Variants in BRAF observed in about 807,000 individuals in gnomAD.
BRAF encodes the protein serine/threonine-protein kinase B-raf.
In BRAF, 16 loss-of-function variants were observed where a neutral mutation model predicts 104.6. The ratio of observed to expected loss-of-function variants is 0.15; its 90% CI spans 0.10 to 0.23. The LOEUF (loss-of-function observed/expected upper bound fraction) is 0.23. Ranked by LOEUF, BRAF falls within the 10% of genes least tolerant of loss-of-function variation. The probability of loss-of-function intolerance (pLI) is 1.00; values close to 1 mark genes in which losing one functional copy is unlikely to be tolerated. For missense variants in BRAF, 541 were observed against 937.3 expected (o/e 0.58, Z 5.52); for synonymous variants, 310 against 341.6 (o/e 0.91, Z 1.02).
chr7:140,741,611 G>C (rs1417210886), intron 17 of BRAF: 1 of 152,040 alleles, frequency 6.6e-6, no homozygotes, highest in Non-Finnish European at 1.5e-5. Flanking sequence ...TCTCCAATGA[G>C]ACTATGGGTG....
intron 3 of BRAF, among the ~76,000 whole-genome samples, chr7:140,830,319 A>T (rs186315818): frequency 3.0e-4 from 46 of 152,310 alleles, no homozygotes; most frequent in African/African-American, 1.1e-3. Flanking sequence ...ACAAATGGCA[A>T]GTGGTTTATT....
At chr7:140,835,838 T>C (rs1289236033) in intron 2 of BRAF, 1 of 152,202 alleles carries the variant, frequency 6.6e-6, no homozygotes, top group Admixed American at 6.5e-5. Context: ...CCATCTCAAA[T>C]AGATGCAATA....
intron 9 of BRAF, among the ~76,000 whole-genome samples, chr7:140,787,300 CAAAAAAAAAAA>C (rs1199383417): frequency 7.3e-5 from 4 of 55,060 alleles, no homozygotes; most frequent in Non-Finnish European, 1.5e-4. Flanking sequence ...GACTCCGTCT[CAAAAAAAAAAA>C]AAAAAAAAAA....
intron 10 of BRAF, among the ~76,000 whole-genome samples, chr7:140,784,380 T>C (rs1435195396): frequency 6.6e-6 from 1 of 152,186 alleles, no homozygotes; most frequent in Non-Finnish European, 1.5e-5. Context: ...TTGATAATTT[T>C]CAACATTATA....
chr7:140,824,950 C>T (rs779532989), intron 3 of BRAF, among the ~76,000 whole-genome samples: 2 of 150,858 alleles, frequency 1.3e-5, no homozygotes, highest in Admixed American at 6.6e-5. Context: ...ATCCTTTGTC[C>T]GTTTTTAATT....
At chr7:140,775,176 G>A (rs1800213507) in intron 14 of BRAF, among the ~76,000 whole-genome samples, 1 of 151,988 alleles carries the variant, frequency 6.6e-6, no homozygotes, top group South Asian at 2.1e-4. Flanking sequence ...GGATATTTGT[G>A]GCATGTGTAT....
intron 1 of BRAF, among the ~76,000 whole-genome samples, chr7:140,871,493 AT>A (rs1209864829): frequency 6.6e-6 from 1 of 152,136 alleles, no homozygotes; most frequent in Non-Finnish European, 1.5e-5. Context: ...AAATTAATGG[AT>A]TTTTATATTC....
At chr7:140,768,896 T>A (rs1799579141) in intron 14 of BRAF, among the ~76,000 whole-genome samples, 1 of 152,020 alleles carries the variant, frequency 6.6e-6, no homozygotes, top group African/African-American at 2.4e-5. Context: ...CTCTTCTGCT[T>A]CTCCACCATG....
At chr7:140,905,252 T>C (rs1033109932) in intron 1 of BRAF, among the ~76,000 whole-genome samples, 2 of 152,234 alleles carry the variant, frequency 1.3e-5, no homozygotes, top group African/African-American at 4.8e-5. Context: ...AAATACCCCA[T>C]TAAGACTGAG....
chr7:140,792,620 A>C (rs897427350), intron 8 of BRAF, among the ~76,000 whole-genome samples: 4 of 152,178 alleles, frequency 2.6e-5, no homozygotes, highest in Admixed American at 2.0e-4. Context: ...ATGTTCCTAG[A>C]TCCAACCAGA....
chr7:140,868,722 T>C (rs1308957586), intron 1 of BRAF, among the ~76,000 whole-genome samples: 1 of 152,170 alleles, frequency 6.6e-6, no homozygotes, highest in Non-Finnish European at 1.5e-5. Context: ...ATTTGTATGG[T>C]AGGTGAACTC....
At chr7:140,872,216 AAAAT>A (rs143275817) in intron 1 of BRAF, among the ~76,000 whole-genome samples, 8 of 130,100 alleles carry the variant, frequency 6.1e-5, no homozygotes, top group East Asian at 2.3e-4. Context: ...ACTCCATCTC[AAAAT>A]AAATAAATAA....
chr7:140,744,691 T>C (rs954324328), intron 17 of BRAF, among the ~76,000 whole-genome samples: 16 of 152,178 alleles, frequency 1.1e-4, no homozygotes, highest in African/African-American at 1.4e-4. Flanking sequence ...TAGTATCTAG[T>C]GTCCTAACAA....
rs181866818 is a variant in BRAF, at chr7:140,744,847, A to G, written c.2112+4440T>C. On this transcript the variant is annotated intron_variant, in intron 17 of 19. Coordinates refer to ENST00000644969, the MANE Select transcript of BRAF (RefSeq NM_001374258.1). ...CTTATATGCTACTTTCATCAGTTATATATTACTTGCAACAAAAACATAATT... is the reference window on the plus strand; with the variant it reads ...CTTATATGCTACTTTCATCAGTTATGTATTACTTGCAACAAAAACATAATT... Among the ~76,000 whole-genome samples, 29 of 152,326 alleles carry G rather than the reference A, an allele frequency of 1.9e-4. No individual in the cohort carries two copies. The East Asian group carries it at 5.2e-3, about 27-fold the overall frequency.
chr7:140,860,421 C>T (rs373608962), intron 1 of BRAF, among the ~76,000 whole-genome samples: 1 of 150,238 alleles, frequency 6.7e-6, no homozygotes, highest in Admixed American at 6.6e-5. Context: ...TGGCTCATCC[C>T]TGTAATCCCA....
chr7:140,849,973 C>T (rs1211111361), intron 2 of BRAF, 138 bp downstream of exon 2: 15 of 644,788 alleles, frequency 2.3e-5, no homozygotes, highest in Non-Finnish European at 3.8e-5. Flanking sequence ...AAGTATAATA[C>T]AGGCAAAGCT....
chr7:140,719,818 C>A lies in BRAF; in HGVS notation c.*6676G>T. ...AAAGTCCCCATCTTTTCACTGGGCA[C>A]GCCCCAGACTCCACGAGAACCTTTT... On this transcript the variant is annotated 3_prime_UTR_variant, in exon 20 of 20. Transcript: ENST00000644969. 1.9e-6 allele frequency: 2 copies of A among 1,062,820 alleles called. No individual in the cohort carries two copies. The highest frequency in any genetic ancestry group is 2.3e-6 in the Non-Finnish European group (2 of 877,750). The allele number at this position is 1,062,820 out of a possible 1,614,324, so 65.8% of individuals were successfully genotyped here.
intron 5 of BRAF, 128 bp downstream of exon 5, chr7:140,807,832 T>C: frequency 1.5e-6 from 1 of 664,284 alleles, no homozygotes; most frequent in Admixed American, 2.7e-5. Flanking sequence ...AGAAAACAAC[T>C]GATTTCAACT....
chr7:140,919,420 T>C (rs1817973875), intron 1 of BRAF, among the ~76,000 whole-genome samples: 2 of 152,076 alleles, frequency 1.3e-5, no homozygotes, highest in African/African-American at 2.4e-5. Context: ...TTGAGTTCCC[T>C]CTATATGCAT....
Sources: gnomAD v4.1 joint callset for allele counts (sites outside exome capture counted in the v4.1 genomes callset) on GRCh38, gnomAD v4.1.1 for gene constraint, MANE v1.5 for transcripts, NCBI Gene and HGNC (gene_info 2026-07-23, HGNC 2026-07-21) for gene names.